Variants in PDE11A observed in about 807,000 individuals in gnomAD.
The protein encoded by PDE11A is phosphodiesterase 11A.
Under a neutral mutation model 100.5 loss-of-function variants are expected in PDE11A, and 100 were observed. The ratio of observed to expected loss-of-function variants is 1.00; its 90% CI spans 0.85 to 1.18. The LOEUF (loss-of-function observed/expected upper bound fraction) is 1.18. Ranked by LOEUF, PDE11A falls within the 50% of genes most tolerant of loss-of-function variation. The pLI is 0.00. For missense variants in PDE11A, 1,141 were observed against 1,152.6 expected (o/e 0.99, Z 0.15); for synonymous variants, 381 against 420.8 (o/e 0.91, Z 1.16).
chr2:177,864,168 A>G (rs2083991251), intron 5 of PDE11A, among the ~76,000 whole-genome samples: 1 of 152,138 alleles, frequency 6.6e-6, no homozygotes, highest in Non-Finnish European at 1.5e-5. Context: ...ATACAGAGAG[A>G]ACAAAACAGT....
At chr2:177,823,819 A>G (rs577569034) in intron 6 of PDE11A, among the ~76,000 whole-genome samples, 1 of 152,298 alleles carries the variant, frequency 6.6e-6, no homozygotes, top group South Asian at 2.1e-4. Flanking sequence ...GGAGCGACAC[A>G]TATCATTGTA....
chr2:177,753,750 A>G (rs763465130), intron 10 of PDE11A, among the ~76,000 whole-genome samples: 1 of 150,218 alleles, frequency 6.7e-6, no homozygotes, highest in Non-Finnish European at 1.5e-5. Context: ...CCTCAGCAGC[A>G]CTTCCCTTTA....
chr2:177,988,362 C>T (rs2085964897), intron 2 of PDE11A, among the ~76,000 whole-genome samples: 1 of 152,210 alleles, frequency 6.6e-6, no homozygotes, highest in African/African-American at 2.4e-5. Flanking sequence ...CACCTTGAAA[C>T]TTCAGTGGTT....
chr2:178,094,365 C>CA (rs1428018516), intron 2 of PDE11A, among the ~76,000 whole-genome samples: 1 of 151,372 alleles, frequency 6.6e-6, no homozygotes, highest in Non-Finnish European at 1.5e-5. Flanking sequence ...CCCATCTCTA[C>CA]AAAAAATAGA....
chr2:177,929,823 G>T (rs1233077990), intron 2 of PDE11A, among the ~76,000 whole-genome samples: 1 of 152,162 alleles, frequency 6.6e-6, no homozygotes, highest in African/African-American at 2.4e-5. Context: ...GTCTGCTCCT[G>T]TGTGGGACTC....
chr2:178,023,634 T>G (rs1013495532), intron 1 of PDE11A, among the ~76,000 whole-genome samples: 1 of 152,232 alleles, frequency 6.6e-6, no homozygotes, highest in African/African-American at 2.4e-5. Context: ...CCTTAGGTCC[T>G]TCATAGCCAA....
intron 2 of PDE11A, among the ~76,000 whole-genome samples, chr2:177,986,023 T>C (rs528521212): frequency 6.6e-6 from 1 of 152,324 alleles, no homozygotes; most frequent in East Asian, 1.9e-4. Flanking sequence ...ATCCTTTTGC[T>C]CACTTTCTGA....
chr2:177,680,183 A>G (rs550020085), intron 16 of PDE11A, among the ~76,000 whole-genome samples: 6 of 152,258 alleles, frequency 3.9e-5, no homozygotes, highest in Admixed American at 1.3e-4. Context: ...AGCAAAACTT[A>G]GCAATGTTAG....
chr2:178,015,159 G>A (rs1387800953), intron 1 of PDE11A, among the ~76,000 whole-genome samples: 3 of 152,126 alleles, frequency 2.0e-5, no homozygotes, highest in Non-Finnish European at 4.4e-5. Flanking sequence ...AAGGTAAAAG[G>A]TGTCTTTGTA....
intron 5 of PDE11A, among the ~76,000 whole-genome samples, chr2:177,860,227 A>T (rs952156044): frequency 6.6e-6 from 1 of 151,778 alleles, no homozygotes; most frequent in Non-Finnish European, 1.5e-5. Flanking sequence ...TTGCCAAAAA[A>T]AAAAAGAGAG....
chr2:177,816,606 A>G (rs901587715), intron 9 of PDE11A, among the ~76,000 whole-genome samples: 3 of 152,224 alleles, frequency 2.0e-5, no homozygotes, highest in Non-Finnish European at 2.9e-5. Flanking sequence ...ATATCTAAAC[A>G]TAGGACTTAT....
chr2:177,640,041 T>A (rs2080116340), intron 19 of PDE11A, among the ~76,000 whole-genome samples: 1 of 152,284 alleles, frequency 6.6e-6, no homozygotes, highest in Admixed American at 6.5e-5. Context: ...GAGAAGATGG[T>A]TTTGGCCCCC....
chr2:178,054,315 A>G (rs1317777977), intron 1 of PDE11A, among the ~76,000 whole-genome samples: 1 of 152,224 alleles, frequency 6.6e-6, no homozygotes, highest in Non-Finnish European at 1.5e-5. Context: ...CTGAAATTGG[A>G]TCCCTTCCTT....
chr2:177,900,236 G>T (rs1574263559), intron 3 of PDE11A, among the ~76,000 whole-genome samples: 1 of 152,198 alleles, frequency 6.6e-6, no homozygotes, highest in African/African-American at 2.4e-5. Flanking sequence ...CATAGTCAGT[G>T]AATTGCCCAG....
At chr2:177,947,937 G>A (rs2085463849) in intron 2 of PDE11A, among the ~76,000 whole-genome samples, 1 of 151,938 alleles carries the variant, frequency 6.6e-6, no homozygotes, top group Admixed American at 6.5e-5. Flanking sequence ...CCTCCATCCA[G>A]AGATAGCCTT....
At chr2:177,987,458 A>T (rs780208909) in intron 2 of PDE11A, among the ~76,000 whole-genome samples, 11 of 152,208 alleles carry the variant, frequency 7.2e-5, no homozygotes, top group Non-Finnish European at 1.0e-4. Context: ...CATTTTTCTT[A>T]TCTCAAAGTG....
intron 12 of PDE11A, among the ~76,000 whole-genome samples, chr2:177,716,709 G>A (rs1405375805): frequency 2.0e-5 from 3 of 152,152 alleles, no homozygotes; most frequent in Non-Finnish European, 4.4e-5. Flanking sequence ...ATGATATTGT[G>A]CTAAAATTTA....
intron 2 of PDE11A, among the ~76,000 whole-genome samples, chr2:177,945,775 G>A (rs200365330): frequency 0.051 from 7,627 of 148,608 alleles, 1 homozygote; most frequent in South Asian, 0.12. Flanking sequence ...CCGGGAGGGA[G>A]GTGGGGGGTC....
intron 5 of PDE11A, among the ~76,000 whole-genome samples, chr2:177,860,473 A>G (rs2105668277): frequency 6.6e-6 from 1 of 151,946 alleles, no homozygotes; most frequent in African/African-American, 2.4e-5. Flanking sequence ...ATTTCCACAA[A>G]GAAAAGCTCA....
Sources: allele counts gnomAD v4.1 joint callset (sites outside exome capture counted in the v4.1 genomes callset), GRCh38; gene constraint gnomAD v4.1.1; transcripts MANE v1.5; gene names NCBI Gene and HGNC (gene_info 2026-07-23, HGNC 2026-07-21).